The following ZNF567 variants were observed in gnomAD, a reference collection of about 807,000 sequenced individuals.
ZNF567 encodes zinc finger protein 567.
ZNF567 carries 36 observed loss-of-function variants against 53.9 expected under a neutral mutation model. The ratio of observed to expected loss-of-function variants is 0.67; its 90% confidence interval spans 0.51 to 0.88. The LOEUF is 0.88. Ranked by LOEUF, ZNF567 falls within the 40% of genes least tolerant of loss-of-function variation. The pLI is 0.00. For synonymous variants in ZNF567, 224 were observed against 260.4 expected, an observed-to-expected ratio of 0.86 and a Z score of 1.35; for missense variants, 619 against 764.7, an observed-to-expected ratio of 0.81 and a Z score of 2.25.
chr19:36,681,317 T>G, the ZNF567 span, among the ~76,000 whole-genome samples: 1 of 152,134 alleles, frequency 6.6e-6, no homozygotes, highest in Non-Finnish European at 1.5e-5. Context: ...TTATTTTAAT[T>G]TGTATTTCTC....
At chr19:36,682,631 G>C (rs974075380), upstream of ZNF567, among the ~76,000 whole-genome samples, 1 of 143,786 alleles carries the variant, frequency 7.0e-6, no homozygotes, top group South Asian at 2.2e-4. Flanking sequence ...TTTTTGAGAC[G>C]GAGTCTCACT....
At chr19:36,716,195 A>G (rs980459020) in intron 5 of ZNF567, among the ~76,000 whole-genome samples, 5 of 152,066 alleles carry the variant, frequency 3.3e-5, no homozygotes, top group South Asian at 2.1e-4. Context: ...GGTCTTTTCA[A>G]CTTTCTCTTG....
At chr19:36,725,481 G>A (rs1278256954), downstream of ZNF567, among the ~76,000 whole-genome samples, 1 of 152,158 alleles carries the variant, frequency 6.6e-6, no homozygotes, top group Non-Finnish European at 1.5e-5. Flanking sequence ...GGGATCACAG[G>A]TGTAAGCCAC....
upstream of ZNF567, chr19:36,686,705 C>T (rs1353817236): frequency 6.6e-6 from 1 of 152,148 alleles, no homozygotes; most frequent in African/African-American, 2.4e-5. Context: ...AGCCTCGTTC[C>T]GAAAACAGGT....
intron 3 of ZNF567, among the ~76,000 whole-genome samples, chr19:36,709,728 T>A (rs1385220738): frequency 6.6e-6 from 1 of 152,186 alleles, no homozygotes; most frequent in Non-Finnish European, 1.5e-5. Context: ...CCCTCCAAAG[T>A]GCCCAGATTA....
At chr19:36,674,150 AT>A in the ZNF567 span, among the ~76,000 whole-genome samples, 1 of 152,146 alleles carries the variant, frequency 6.6e-6, no homozygotes, top group Admixed American at 6.5e-5. Context: ...TTGTAATACT[AT>A]TTAGTTCATT....
intron 3 of ZNF567, among the ~76,000 whole-genome samples, chr19:36,696,888 A>G (rs1024404870): frequency 3.3e-5 from 5 of 152,230 alleles, no homozygotes; most frequent in African/African-American, 1.2e-4. Flanking sequence ...TACGTTCACA[A>G]GTTGTGTAAC....
chr19:36,694,827 T>G lies in ZNF567; in HGVS notation c.-41T>G, dbSNP rs1316898324. The G allele has an allele frequency of 6.6e-7, 1 of 1,516,734 alleles. No individual in the cohort carries two copies. The highest frequency in any genetic ancestry group is 2.5e-5 in the East Asian group (1 of 40,624). 94.0% of individuals were successfully genotyped at this position (1,516,734 alleles called of 1,614,324 possible). A position where few individuals can be genotyped will look rare whatever the true frequency, so the allele number is the denominator to read the frequency against. ...GAACTGCCTCTTTTCTAAAGAGGAC[T>G]CCAAAGGAAGGACTGGTCATCTCTT... On this transcript the variant is annotated 5_prime_UTR_variant, in exon 3 of 6. Coordinates refer to ENST00000682579, the MANE Select transcript of ZNF567 (RefSeq NM_001322917.1).
rs2039175262 is a variant in ZNF567, at chr19:36,701,367, TGTG to T, written c.9+6495_9+6497del. On this transcript the variant is annotated intron_variant, in intron 3 of 5. Transcript: ENST00000682579. ...AGTATGTGGTCAATTTTGGAATAGGTGTGGTGTGGTGCTGAAAAAAATGTATAT... is the reference window on the plus strand; with the variant it reads ...AGTATGTGGTCAATTTTGGAATAGGTGTGTGGTGCTGAAAAAAATGTATAT... 2.6e-5 allele frequency among the ~76,000 whole-genome samples: 4 copies of T among 151,406 alleles called. No individual in the cohort carries two copies. In the South Asian group the frequency reaches 8.4e-4, roughly 32 times the overall value.
chr19:36,721,749 T>C (rs1228009364), downstream of ZNF567, among the ~76,000 whole-genome samples: 2 of 139,086 alleles, frequency 1.4e-5, no homozygotes, highest in African/African-American at 2.9e-5. Flanking sequence ...TTTTTCTTTT[T>C]TTTTTTTTTT....
the ZNF567 span, chr19:36,668,906 A>G: frequency 2.6e-5 from 4 of 152,272 alleles, no homozygotes; most frequent in East Asian, 7.7e-4. Flanking sequence ...CTCCCTATCC[A>G]TGGGTCTTGC....
In ZNF567 at chr19:36,720,405, T is replaced by A. The variant is rs773696665; in HGVS notation, c.1681T>A (p.Tyr561Asn). Residue 561 changes from tyrosine to asparagine, a missense_variant, in exon 6 of 6, where the codon TAT becomes AAT. Physicochemically the swap from Tyr to Asn is moderately radical, Grantham distance 143 (BLOSUM62 -2). Coordinates refer to ENST00000682579, the MANE Select transcript of ZNF567 (RefSeq NM_001322917.1). The stretch of plus-strand genomic sequence containing the variant: ...GAAAATACATACCGGCCAGAAATCC[T>A]ATGAATGTCCTCAGTGTGGGAAAGC... Reference protein sequence around the residue: ...HQKIHTGQKSYECPQCGKAFS... With the variant: ...HQKIHTGQKSNECPQCGKAFS... The A allele has an allele frequency of 2.5e-6, 4 of 1,614,164 alleles. No homozygotes were observed. The highest frequency in any genetic ancestry group is 3.4e-6 in the Non-Finnish European group (4 of 1,180,028).
At chr19:36,717,930 T>C (rs542669174) in intron 5 of ZNF567, among the ~76,000 whole-genome samples, 23 of 152,346 alleles carry the variant, frequency 1.5e-4, no homozygotes, top group African/African-American at 5.3e-4. Context: ...AGCTTTGTTA[T>C]TGAACAATTC....
chr19:36,676,313 G>A, the ZNF567 span, among the ~76,000 whole-genome samples: 3 of 151,036 alleles, frequency 2.0e-5, no homozygotes, highest in South Asian at 4.2e-4. Context: ...TGATCTGCCC[G>A]CCTCAACCTC....
At chr19:36,685,268 A>G (rs570167035), upstream of ZNF567, among the ~76,000 whole-genome samples, 1 of 152,348 alleles carries the variant, frequency 6.6e-6, no homozygotes, top group East Asian at 1.9e-4. Context: ...AGCCTGGGCG[A>G]CAGAGCAAGA....
intron 1 of ZNF567, among the ~76,000 whole-genome samples, chr19:36,688,162 A>T (rs1379931602): frequency 2.0e-5 from 3 of 152,108 alleles, no homozygotes; most frequent in African/African-American, 7.2e-5. Flanking sequence ...GGGCATTGTG[A>T]GTGAAAGGTT....
intron 3 of ZNF567, among the ~76,000 whole-genome samples, chr19:36,708,759 A>T (rs2039626648): frequency 6.6e-6 from 1 of 152,182 alleles, no homozygotes; most frequent in South Asian, 2.1e-4. Flanking sequence ...GAGTGGCTTC[A>T]TTCACTTCGT....
At chr19:36,726,960 GTTTCTTTC>G (rs1219765312), downstream of ZNF567, 1 of 55,168 alleles carries the variant, frequency 1.8e-5, no homozygotes, top group African/African-American at 8.1e-5. Context: ...GGTGTTTTGA[GTTTCTTTC>G]TTTCTTTCTT....
chr19:36,710,698 A>C (rs1242709750), intron 3 of ZNF567, among the ~76,000 whole-genome samples: 1 of 151,908 alleles, frequency 6.6e-6, no homozygotes, highest in Admixed American at 6.6e-5. Context: ...GAGTGTTTAG[A>C]TTTGGGGGCT....
Sources: allele counts gnomAD v4.1 joint callset (sites outside exome capture counted in the v4.1 genomes callset), GRCh38; gene constraint gnomAD v4.1.1; transcripts MANE v1.5; gene names NCBI Gene and HGNC (gene_info 2026-07-23, HGNC 2026-07-21).